Variants in SLC25A28 observed in about 807,000 individuals in gnomAD.
SLC25A28 encodes solute carrier family 25 member 28.
A neutral mutation model predicts 31.9 loss-of-function variants in SLC25A28; 10 were observed. The ratio of observed to expected loss-of-function variants is 0.31; its 90% CI spans 0.19 to 0.53. The LOEUF (loss-of-function observed/expected upper bound fraction) is 0.53, where lower values mean the gene tolerates loss of function less well. Among genes scored for constraint, SLC25A28 ranks in the 20% least tolerant of loss-of-function variants. The pLI is 0.95. For missense variants in SLC25A28, 256 were observed against 490.3 expected (o/e 0.52, Z 4.51); for synonymous variants, 208 against 203.6 (o/e 1.02, Z -0.19).
chr10:99,623,548 T>G (rs2034830558), upstream of SLC25A28, among the ~76,000 whole-genome samples: 1 of 152,196 alleles, frequency 6.6e-6, no homozygotes, highest in African/African-American at 2.4e-5. Flanking sequence ...TCTGATTACA[T>G]CTGTATTGTC....
the SLC25A28 span, among the ~76,000 whole-genome samples, chr10:99,631,201 T>C: frequency 1.3e-5 from 2 of 152,186 alleles, no homozygotes; most frequent in Admixed American, 1.3e-4. Flanking sequence ...TGGGATTCCA[T>C]TGTGGAATTC....
the SLC25A28 span, among the ~76,000 whole-genome samples, chr10:99,631,025 T>C: frequency 6.6e-6 from 1 of 152,110 alleles, no homozygotes; most frequent in Non-Finnish European, 1.5e-5. Context: ...GGAGTAATTT[T>C]CTGGACAAAG....
intron 1 of SLC25A28, chr10:99,619,525 C>T: frequency 3.2e-6 from 2 of 624,680 alleles, no homozygotes; most frequent in Non-Finnish European, 4.0e-6. Flanking sequence ...GATTTCCAAT[C>T]ACTCATGTGT....
chr10:99,629,497 A>G, the SLC25A28 span, among the ~76,000 whole-genome samples: 2 of 152,244 alleles, frequency 1.3e-5, no homozygotes, highest in Non-Finnish European at 2.9e-5. Flanking sequence ...CACTTTTCAC[A>G]CTAGGCAAAA....
the SLC25A28 span, among the ~76,000 whole-genome samples, chr10:99,634,558 A>T: frequency 6.8e-4 from 104 of 152,320 alleles, no homozygotes; most frequent in East Asian, 7.7e-3. Flanking sequence ...GAACTCAAAG[A>T]CAAGGTCTTT....
At chr10:99,622,679 A>T, upstream of SLC25A28, 1 of 985,434 alleles carries the variant, frequency 1.0e-6, no homozygotes, top group Non-Finnish European at 1.2e-6. Context: ...CCTTTTAGAC[A>T]TCTCAGTCGC....
upstream of SLC25A28, among the ~76,000 whole-genome samples, chr10:99,624,110 CTTCCTTCCTTTT>C (rs2034838700): frequency 6.8e-6 from 1 of 146,524 alleles, no homozygotes; most frequent in Non-Finnish European, 1.5e-5. Flanking sequence ...TTCCTTTCTC[CTTCCTTCCTTTT>C]TTCCTTCCTT....
At chr10:99,623,388 G>GT (rs1421994577), upstream of SLC25A28, among the ~76,000 whole-genome samples, 1 of 152,138 alleles carries the variant, frequency 6.6e-6, no homozygotes, top group Non-Finnish European at 1.5e-5. Flanking sequence ...CAAAATGTTC[G>GT]TTTTCCATGA....
the SLC25A28 span, among the ~76,000 whole-genome samples, chr10:99,634,913 T>C: frequency 3.3e-5 from 5 of 152,156 alleles, no homozygotes; most frequent in Admixed American, 2.0e-4. Context: ...AGGTAACCTA[T>C]AAAGGAAAAC....
At chr10:99,617,459 C>T in intron 1 of SLC25A28, 1 of 985,436 alleles carries the variant, frequency 1.0e-6, no homozygotes, top group Non-Finnish European at 1.2e-6. Context: ...TAGGCTCCAA[C>T]AACATGGATA....
Position 99,611,420 on chromosome 10 carries a change from G to T in SLC25A28, c.578-54C>A. 1 of 1,590,668 alleles carries T rather than the reference G, an allele frequency of 6.3e-7. No homozygotes were observed. The highest frequency in any genetic ancestry group is 8.6e-7 in the Non-Finnish European group (1 of 1,166,954). On this transcript the variant is annotated intron_variant, in intron 3 of 3. Transcript: ENST00000370495. The surrounding 1 kb of genome is among the most constrained non-coding windows in gnomAD (Gnocchi z 5.5). ...TGGTGACAGCAGCCAACCGGTGATG[G>T]AGAGTATCCAGATTCAGAGCCCCAA...
chr10:99,655,441 T>TA, the SLC25A28 span, among the ~76,000 whole-genome samples: 1 of 152,178 alleles, frequency 6.6e-6, no homozygotes, highest in Non-Finnish European at 1.5e-5. Flanking sequence ...AAGTACTATT[T>TA]AAAAAATAGG....
the SLC25A28 span, among the ~76,000 whole-genome samples, chr10:99,648,165 ATT>A: frequency 6.8e-6 from 1 of 147,750 alleles, no homozygotes; most frequent in African/African-American, 2.5e-5. Flanking sequence ...TGCCCAGCTG[ATT>A]TTTTTTTTTT....
the SLC25A28 span, among the ~76,000 whole-genome samples, chr10:99,632,854 G>T: frequency 6.6e-6 from 1 of 152,248 alleles, no homozygotes; most frequent in Non-Finnish European, 1.5e-5. Context: ...TGTGACCTTA[G>T]TTGTTGCATT....
chr10:99,639,267 T>C, the SLC25A28 span, among the ~76,000 whole-genome samples: 3 of 151,726 alleles, frequency 2.0e-5, no homozygotes, highest in African/African-American at 2.4e-5. Context: ...TTCTCACCGA[T>C]ATGTGGGAGC....
chr10:99,614,312 A>G (rs541967818), intron 1 of SLC25A28, among the ~76,000 whole-genome samples: 15 of 152,312 alleles, frequency 9.8e-5, no homozygotes, highest in Admixed American at 7.2e-4. Flanking sequence ...ACTATCTATG[A>G]CATACTTTAT....
the SLC25A28 span, among the ~76,000 whole-genome samples, chr10:99,649,314 G>T: frequency 3.9e-3 from 589 of 152,194 alleles, 8 homozygotes; most frequent in Admixed American, 3.6e-3. Context: ...CCTGATCATG[G>T]TGTATTATCT....
intron 1 of SLC25A28, chr10:99,618,560 A>C (rs1487709397): frequency 1.0e-6 from 1 of 985,190 alleles, no homozygotes; most frequent in Admixed American, 6.1e-5. Context: ...TTTTATTTAT[A>C]CTTGTTTTAC....
chr10:99,620,188 T>G lies in SLC25A28; in HGVS notation c.148A>C (p.Arg50=). Residue 50 remains arginine, a synonymous_variant, in exon 1 of 4, where the codon AGG becomes CGG. Transcript: ENST00000370495. ...TCCGGATCTTGTCGTACCGGGGGCC[T>G]GCAGGCCCCGGCCTCCCCGCCGCCG... The part of the protein sequence containing the change: ...GAGGGEAGAC[R]PPVRQDPDSG... The G allele has an allele frequency of 6.7e-7, 1 of 1,488,764 alleles. No individual in the cohort carries two copies. Among genetic ancestry groups the G allele is most frequent in the South Asian group, 1.2e-5 (1 of 81,432 alleles). The allele number at this position is 1,488,764 out of a possible 1,614,324, so 92.2% of individuals were successfully genotyped here.
Sources: gnomAD v4.1 joint callset for allele counts (sites outside exome capture counted in the v4.1 genomes callset) on GRCh38, gnomAD v4.1.1 for gene constraint, Gnocchi (gnomAD v3.1) non-coding constraint, MANE v1.5 for transcripts, NCBI Gene and HGNC (gene_info 2026-07-23, HGNC 2026-07-21) for gene names.